Variants in PRKAG2 observed in about 807,000 individuals in gnomAD.
The protein encoded by PRKAG2 is 5'-AMP-activated protein kinase subunit gamma-2.
In PRKAG2, 26 loss-of-function variants were observed where a neutral mutation model predicts 69.6. The ratio of observed to expected loss-of-function variants is 0.37; its 90% CI spans 0.27 to 0.52. The LOEUF is 0.52. PRKAG2 is among the 20% of genes least tolerant of loss of function. The pLI is 0.90. For synonymous variants in PRKAG2, 293 were observed against 285.0 expected, an observed-to-expected ratio of 1.03 and a Z score of -0.28; for missense variants, 557 against 740.0, an observed-to-expected ratio of 0.75 and a Z score of 2.87.
At chr7:151,670,286 CCT>C (rs982862152) in intron 4 of PRKAG2, among the ~76,000 whole-genome samples, 9 of 152,280 alleles carry the variant, frequency 5.9e-5, no homozygotes, top group African/African-American at 1.9e-4. Context: ...TGGAATCACC[CCT>C]GATTTGTCTC....
In PRKAG2 at chr7:151,749,784, C is replaced by T. The variant is rs1415629223; in HGVS notation, c.466+31368G>A. Reference sequence around the variant, plus strand: ...CTTCACATCCTCTAGGACAACCACACTGAAAAAAAAAAAAAAAAGGAAAAG... The same window carrying T: ...CTTCACATCCTCTAGGACAACCACATTGAAAAAAAAAAAAAAAAGGAAAAG... On this transcript the variant is annotated intron_variant, in intron 3 of 15. Transcript: ENST00000287878. Among the ~76,000 whole-genome samples, 7 of 127,488 alleles carry T rather than the reference C, an allele frequency of 5.5e-5. No homozygotes were observed. The South Asian group carries it at 1.8e-3, about 34-fold the overall frequency. The allele number at this position is 127,488 out of a possible 152,430, so 83.6% of individuals were successfully genotyped here.
At position 151,781,224 on chromosome 7, in the gene PRKAG2, T is replaced by C; in HGVS notation, c.394A>G (p.Lys132Glu). ...GGGTTGGAGTTGGGGGAAGACTCTT[T>C]GGAGGAGGAGCGGAAGATCCCACTG... ...SFSGIFRSSSKESSPNSNPAT... is the reference protein window; with the variant it reads ...SFSGIFRSSSEESSPNSNPAT... The change falls in exon 3 of 16, where the codon AAA becomes GAA. Residue 132 changes from lysine (K) to glutamate (E), a missense_variant. Around this residue, in one of 2 missense-constraint regions of PRKAG2, gnomAD observed 352 missense variants for 356.7 expected, o/e 0.99. Coordinates refer to ENST00000287878, the MANE Select transcript of PRKAG2 (RefSeq NM_016203.4). The surrounding 1 kb of genome is among the most constrained non-coding windows in gnomAD (Gnocchi z 6.1). 1.2e-6 allele frequency: 2 copies of C among 1,613,990 alleles called. No individual in the cohort carries two copies. Among genetic ancestry groups the C allele is most frequent in the Non-Finnish European group, 1.7e-6 (2 of 1,180,020 alleles).
intron 5 of PRKAG2, among the ~76,000 whole-genome samples, chr7:151,610,339 A>G (rs998179929): frequency 6.6e-6 from 1 of 152,212 alleles, no homozygotes; most frequent in African/African-American, 2.4e-5. Context: ...ACTGCACTCC[A>G]GCCTGGGCGA....
intron 1 of PRKAG2, among the ~76,000 whole-genome samples, chr7:151,812,162 T>C (rs1284182032): frequency 1.3e-5 from 2 of 152,218 alleles, no homozygotes; most frequent in Non-Finnish European, 2.9e-5. Context: ...TTAAGACCCC[T>C]ACCTGACTGC....
intron 6 of PRKAG2, among the ~76,000 whole-genome samples, chr7:151,579,675 A>G (rs1474854354): frequency 6.6e-6 from 1 of 152,166 alleles, no homozygotes; most frequent in Admixed American, 6.5e-5. Context: ...ACATAGGTCA[A>G]TTTCAACAAG....
intron 10 of PRKAG2, among the ~76,000 whole-genome samples, chr7:151,569,126 T>C (rs760011643): frequency 6.6e-6 from 1 of 152,200 alleles, no homozygotes; most frequent in Non-Finnish European, 1.5e-5. Context: ...CATGGCTCAC[T>C]GCAGCCTTGA....
chr7:151,659,538 GTTCA>G (rs1180547666), intron 4 of PRKAG2, among the ~76,000 whole-genome samples: 1 of 152,194 alleles, frequency 6.6e-6, no homozygotes, highest in Admixed American at 6.5e-5. Flanking sequence ...TAACACAGGG[GTTCA>G]CACATGGTGA....
At position 151,807,672 on chromosome 7, in the gene PRKAG2, C is replaced by T. The variant is rs753155171; in HGVS notation, c.115-21131G>A. On this transcript the variant is annotated intron_variant, in intron 1 of 15. Transcript: ENST00000287878. The surrounding 1 kb of genome is among the most constrained non-coding windows in gnomAD (Gnocchi z 4.4). Reference sequence around the variant, plus strand: ...CAGGGTGCGATGTCCCAAACCTACACAACCGTTTCCACTGCCTATTCCCGG... The same window carrying T: ...CAGGGTGCGATGTCCCAAACCTACATAACCGTTTCCACTGCCTATTCCCGG... The T allele has an allele frequency of 1.4e-4, 65 of 450,346 alleles. 1 individual carries two copies. The highest frequency in any genetic ancestry group is 1.0e-3 in the South Asian group (64 of 63,960). 27.9% of individuals were successfully genotyped at this position (450,346 alleles called of 1,614,324 possible). A position where few individuals can be genotyped will look rare whatever the true frequency, so the allele number is the denominator to read the frequency against.
At chr7:151,645,288 G>A (rs751212831) in intron 4 of PRKAG2, among the ~76,000 whole-genome samples, 5 of 152,150 alleles carry the variant, frequency 3.3e-5, no homozygotes, top group East Asian at 3.8e-4. Context: ...GCTGCCATGC[G>A]GGAGAGGCCC....
intron 5 of PRKAG2, among the ~76,000 whole-genome samples, chr7:151,623,104 C>T (rs925547919): frequency 5.9e-5 from 9 of 152,176 alleles, no homozygotes; most frequent in South Asian, 2.1e-4. Flanking sequence ...CGGTGGCTCA[C>T]GCCTGTAATC....
intron 3 of PRKAG2, among the ~76,000 whole-genome samples, chr7:151,701,842 C>CAAAAAA (rs71533538): frequency 1.1e-3 from 100 of 92,484 alleles, no homozygotes; most frequent in African/African-American, 3.7e-3. Context: ...GACTCTGTCT[C>CAAAAAA]AAAAAAAAAA....
At chr7:151,816,902 C>G (rs144675380) in intron 1 of PRKAG2, among the ~76,000 whole-genome samples, 4 of 152,118 alleles carry the variant, frequency 2.6e-5, no homozygotes, top group Admixed American at 1.3e-4. Context: ...AAATGGGCTC[C>G]GTCGTCTAAA....
At chr7:151,727,590 T>C (rs1484979382) in intron 3 of PRKAG2, among the ~76,000 whole-genome samples, 1 of 152,182 alleles carries the variant, frequency 6.6e-6, no homozygotes, top group Admixed American at 6.5e-5. Flanking sequence ...TGCTGCCAAC[T>C]GGACATCCCT....
At chr7:151,604,161 G>A (rs1816911142) in intron 5 of PRKAG2, among the ~76,000 whole-genome samples, 1 of 152,144 alleles carries the variant, frequency 6.6e-6, no homozygotes, top group Non-Finnish European at 1.5e-5. Context: ...GGAGCTGTGG[G>A]AGTGTGGCTT....
At chr7:151,662,806 T>A (rs1830515128) in intron 4 of PRKAG2, among the ~76,000 whole-genome samples, 1 of 152,014 alleles carries the variant, frequency 6.6e-6, no homozygotes, top group Non-Finnish European at 1.5e-5. Context: ...AGGAGGCTAC[T>A]CAGGATAGCT....
chr7:151,839,032 T>A (rs77002713), intron 1 of PRKAG2, among the ~76,000 whole-genome samples: 1,583 of 64,042 alleles, frequency 0.025, 76 homozygotes, highest in East Asian at 0.038. Flanking sequence ...AAAAAAAAAA[T>A]AGAAAAGGGG....
chr7:151,720,365 C>G (rs1796855753), intron 3 of PRKAG2, among the ~76,000 whole-genome samples: 1 of 151,964 alleles, frequency 6.6e-6, no homozygotes, highest in Admixed American at 6.5e-5. Context: ...CTACCTAATA[C>G]AGCAAGACCA....
At chr7:151,685,381 C>T (rs1317852334) in intron 3 of PRKAG2, among the ~76,000 whole-genome samples, 2 of 152,288 alleles carry the variant, frequency 1.3e-5, no homozygotes, top group African/African-American at 2.4e-5. Flanking sequence ...GCTTCAGCAC[C>T]CCTTTACACT....
intron 5 of PRKAG2, among the ~76,000 whole-genome samples, chr7:151,620,337 CTCAT>C (rs970402822): frequency 6.9e-6 from 1 of 145,544 alleles, no homozygotes; most frequent in African/African-American, 2.5e-5. Context: ...CTTTCTCTCT[CTCAT>C]TCTTTCTTTC....
Sources: gnomAD v4.1 joint callset for allele counts (sites outside exome capture counted in the v4.1 genomes callset) on GRCh38, gnomAD v4.1.1 for gene constraint, gnomAD v4.1.1 regional missense constraint, Gnocchi (gnomAD v3.1) non-coding constraint, MANE v1.5 for transcripts, NCBI Gene and HGNC (gene_info 2026-07-23, HGNC 2026-07-21) for gene names.